Variants in TM9SF3 observed in about 807,000 individuals in gnomAD.
TM9SF3 encodes the protein transmembrane 9 superfamily member 3, also known as SM-11044-binding protein.
In TM9SF3, 14 loss-of-function variants were observed where a neutral mutation model predicts 78.6. The observed-to-expected ratio is 0.18, with a 90% confidence interval of 0.12 to 0.28. The LOEUF (loss-of-function observed/expected upper bound fraction) is 0.28. Among genes scored for constraint, TM9SF3 ranks in the 10% least tolerant of loss-of-function variants. The probability of loss-of-function intolerance (pLI) is 1.00; values close to 1 mark genes in which losing one functional copy is unlikely to be tolerated. For missense variants in TM9SF3, 496 were observed against 721.9 expected, an observed-to-expected ratio of 0.69 and a Z score of 3.59; for synonymous variants, 231 against 241.7, an observed-to-expected ratio of 0.96 and a Z score of 0.41.
At chr10:96,524,327 TA>T (rs1466321190) in intron 14 of TM9SF3, among the ~76,000 whole-genome samples, 1 of 151,892 alleles carries the variant, frequency 6.6e-6, no homozygotes, top group Non-Finnish European at 1.5e-5. Context: ...TACAATTCTT[TA>T]CAGGATAAGA....
chr10:96,526,030 A>AC (rs1385441381), intron 14 of TM9SF3, among the ~76,000 whole-genome samples: 1 of 152,104 alleles, frequency 6.6e-6, no homozygotes, highest in Non-Finnish European at 1.5e-5. Flanking sequence ...AGCAGCAGCT[A>AC]CCCCTCACTG....
Position 96,586,701 on chromosome 10 carries a change from CCCGGGGCGGCCGCGCCGG to C in TM9SF3, c.102+15_102+32del, listed in dbSNP as rs1848635977. 3.3e-6 allele frequency: 4 copies of C among 1,219,990 alleles called. 1 individual carries two copies. The highest frequency in any genetic ancestry group is 7.7e-5 in the South Asian group (2 of 26,048). 75.6% of individuals were successfully genotyped at this position (1,219,990 alleles called of 1,614,324 possible). A position where few individuals can be genotyped will look rare whatever the true frequency, so the allele number is the denominator to read the frequency against. On this transcript the variant is annotated intron_variant, in intron 1 of 14. Transcript: ENST00000371142. The stretch of plus-strand genomic sequence containing the variant: ...CCTCAGTGGGCAACTGGGGAGCTAG[CCCGGGGCGGCCGCGCCGG>C]CCGGGGCGCCTCACCGTGTGTTCGT...
At chr10:96,565,728 T>C (rs935725285) in intron 2 of TM9SF3, among the ~76,000 whole-genome samples, 1 of 152,098 alleles carries the variant, frequency 6.6e-6, no homozygotes, top group African/African-American at 2.4e-5. Flanking sequence ...TCAAAATAAA[T>C]TGATTTTAAA....
At chr10:96,532,249 T>A (rs1486414094) in intron 10 of TM9SF3, among the ~76,000 whole-genome samples, 4 of 151,316 alleles carry the variant, frequency 2.6e-5, no homozygotes, top group Non-Finnish European at 5.9e-5. Flanking sequence ...ATAAATAAAA[T>A]AATAAACTAC....
intron 9 of TM9SF3, among the ~76,000 whole-genome samples, chr10:96,534,434 T>G (rs77724118): frequency 1.9e-3 from 284 of 152,310 alleles, no homozygotes; most frequent in Non-Finnish European, 3.4e-3. Context: ...AGCATTATGT[T>G]ATGAACTATA....
rs1847761258 is a variant in TM9SF3, at chr10:96,521,012, T to G, written c.*1251A>C. The G allele has an allele frequency of 2.5e-6, 1 of 395,632 alleles. No individual in the cohort carries two copies. 24.5% of individuals were successfully genotyped at this position (395,632 alleles called of 1,614,324 possible). On this transcript the variant is annotated 3_prime_UTR_variant, in exon 15 of 15. Coordinates refer to ENST00000371142, the MANE Select transcript of TM9SF3 (RefSeq NM_020123.4). ...TGGTCAGGAAATTTTATTTGAACATTCTAAAGCAATAATGCTTTAGATGTT... is the reference window on the plus strand; with the variant it reads ...TGGTCAGGAAATTTTATTTGAACATGCTAAAGCAATAATGCTTTAGATGTT...
At chr10:96,530,009 T>C (rs149453267) in intron 11 of TM9SF3, among the ~76,000 whole-genome samples, 2 of 152,298 alleles carry the variant, frequency 1.3e-5, no homozygotes, top group South Asian at 2.1e-4. Context: ...TATTTTGCAA[T>C]GGTGACAAAG....
chr10:96,562,353 T>C (rs1432914207), intron 3 of TM9SF3, among the ~76,000 whole-genome samples: 1 of 151,776 alleles, frequency 6.6e-6, no homozygotes, highest in Non-Finnish European at 1.5e-5. Context: ...GCTTCCAATA[T>C]AGCCTGCAGA....
At chr10:96,541,209 C>T (rs1223397973) in intron 9 of TM9SF3, among the ~76,000 whole-genome samples, 2 of 2,302 alleles carry the variant, frequency 8.7e-4, no homozygotes, top group Non-Finnish European at 0.04. Flanking sequence ...TTACAGCCCA[C>T]GAAAGAAAAG....
At chr10:96,532,180 A>T (rs1471207211) in intron 10 of TM9SF3, among the ~76,000 whole-genome samples, 1 of 152,086 alleles carries the variant, frequency 6.6e-6, no homozygotes, top group Non-Finnish European at 1.5e-5. Flanking sequence ...ACTGCACTCC[A>T]GCCTGGGCCA....
chr10:96,545,008 A>G (rs1042005694), intron 8 of TM9SF3, among the ~76,000 whole-genome samples: 5 of 152,188 alleles, frequency 3.3e-5, no homozygotes, highest in Admixed American at 2.6e-4. Context: ...CTACAGATTT[A>G]TAAGTTTTAC....
At chr10:96,535,199 A>G (rs546336459) in intron 9 of TM9SF3, among the ~76,000 whole-genome samples, 5 of 152,330 alleles carry the variant, frequency 3.3e-5, no homozygotes, top group Middle Eastern at 3.4e-3. Flanking sequence ...ACTTTTTAAT[A>G]TATGATAAAA....
At chr10:96,562,216 G>GTTTT (rs34868868) in intron 3 of TM9SF3, 78 bp from the exon 4 acceptor site, 1,519 of 559,544 alleles carry the variant, frequency 2.7e-3, no homozygotes, top group South Asian at 5.6e-3. Flanking sequence ...TGCTCATTAA[G>GTTTT]TTTTTTTTTT....
At chr10:96,560,997 C>T in intron 4 of TM9SF3, 1 of 415,520 alleles carries the variant, frequency 2.4e-6, no homozygotes, top group Non-Finnish European at 4.4e-6. Flanking sequence ...AAATATAGTC[C>T]ATACTGAGTA....
intron 1 of TM9SF3, among the ~76,000 whole-genome samples, chr10:96,581,048 C>T (rs542939236): frequency 4.9e-4 from 75 of 152,224 alleles, no homozygotes; most frequent in Non-Finnish European, 9.7e-4. Flanking sequence ...AAAGACAGTC[C>T]TGAACACTGA....
At chr10:96,582,355 G>A (rs1848580107) in intron 1 of TM9SF3, among the ~76,000 whole-genome samples, 1 of 152,180 alleles carries the variant, frequency 6.6e-6, no homozygotes, top group Admixed American at 6.5e-5. Context: ...ACCTGTACAG[G>A]CCATTAGGAA....
intron 1 of TM9SF3, among the ~76,000 whole-genome samples, chr10:96,586,344 A>G (rs1451843673): frequency 6.6e-6 from 1 of 152,156 alleles, no homozygotes; most frequent in Non-Finnish European, 1.5e-5. Flanking sequence ...CTCAGTAGCC[A>G]GAAGGCAGTC....
At chr10:96,535,569 T>C (rs1430695418) in intron 9 of TM9SF3, among the ~76,000 whole-genome samples, 2 of 152,192 alleles carry the variant, frequency 1.3e-5, no homozygotes, top group Admixed American at 6.5e-5. Flanking sequence ...CCACATTATT[T>C]TGGAATGAAA....
In TM9SF3 at chr10:96,586,771, A is replaced by G; in HGVS notation, c.65T>C (p.Leu22Pro). 9 of 1,286,882 alleles carry G rather than the reference A, an allele frequency of 7.0e-6. No individual in the cohort carries two copies. Among genetic ancestry groups the G allele is most frequent in the Non-Finnish European group, 7.9e-6 (8 of 1,015,904 alleles). 79.7% of individuals were successfully genotyped at this position (1,286,882 alleles called of 1,614,324 possible). A position where few individuals can be genotyped will look rare whatever the true frequency, so the allele number is the denominator to read the frequency against. ...AAAALWLLLL[L>P]LPRTRADEHE... is the part of the protein sequence containing the mutation. ...CTCGTCCGCCCGGGTCCGGGGCAGCAGCAGCAGCAGCAGCCACAGCGCGGC... is the reference window on the plus strand; with the variant it reads ...CTCGTCCGCCCGGGTCCGGGGCAGCGGCAGCAGCAGCAGCCACAGCGCGGC... The change falls in exon 1 of 15, where the codon CTG becomes CCG. Residue 22 changes from leucine to proline, a missense_variant. By Grantham distance (98) the Leu-to-Pro change is moderately conservative. Around this residue, in one of 4 missense-constraint regions of TM9SF3, gnomAD observed 58 missense variants for 32.9 expected, o/e 1.76. Coordinates refer to ENST00000371142, the MANE Select transcript of TM9SF3 (RefSeq NM_020123.4).
Sources: gnomAD v4.1 joint callset for allele counts (sites outside exome capture counted in the v4.1 genomes callset) on GRCh38, gnomAD v4.1.1 for gene constraint, gnomAD v4.1.1 regional missense constraint, MANE v1.5 for transcripts, NCBI Gene and HGNC (gene_info 2026-07-23, HGNC 2026-07-21) for gene names.